The following NR5A1 variants were observed in gnomAD, a reference collection of about 807,000 sequenced individuals.
NR5A1 encodes the protein steroidogenic factor 1.
In NR5A1, 6 loss-of-function variants were observed where a neutral mutation model predicts 42.7. The observed-to-expected ratio is 0.14, with a 90% CI of 0.08 to 0.28. NR5A1 has a LOEUF of 0.28. Ranked by LOEUF, NR5A1 falls within the 10% of genes least tolerant of loss-of-function variation. NR5A1 has a pLI of 1.00. For synonymous variants in NR5A1, 274 were observed against 277.5 expected (o/e 0.99, Z 0.12); for missense variants, 442 against 626.4 (o/e 0.71, Z 3.14).
intron 3 of NR5A1, 123 bp downstream of exon 3, chr9:124,502,956 T>A: frequency 7.6e-7 from 1 of 1,316,222 alleles, no homozygotes; most frequent in Non-Finnish European, 1.0e-6. Context: ...GACTGGGCCC[T>A]AATGTCGCAC....
intron 6 of NR5A1, among the ~76,000 whole-genome samples, chr9:124,488,867 G>A (rs548798981): frequency 3.3e-5 from 5 of 152,316 alleles, no homozygotes; most frequent in South Asian, 2.1e-4. Flanking sequence ...CACACAGCAC[G>A]AGTGCGCACG....
At position 124,503,291 on chromosome 9, in the gene NR5A1, C is replaced by A. The variant is rs761830506; in HGVS notation, c.102+3G>T. The A allele has an allele frequency of 1.9e-6, 3 of 1,610,348 alleles. No homozygotes were observed. In the Admixed American group the frequency reaches 5.0e-5, roughly 27 times the overall value. The stretch of plus-strand genomic sequence containing the variant: ...GCACCCCTGCCGCGCGCTCGCCGCT[C>A]ACCTTGCAGCTCTCACACGTGAGCA... On this transcript the variant is annotated splice_donor_region_variant and intron_variant, in intron 2 of 6. Coordinates refer to ENST00000373588, the MANE Select transcript of NR5A1 (RefSeq NM_004959.5). This position sits in a 1 kb window ranked among gnomAD's most constrained non-coding sequence, Gnocchi z 9.6.
intron 5 of NR5A1, among the ~76,000 whole-genome samples, chr9:124,492,580 T>C (rs7866595): frequency 0.092 from 13,972 of 152,054 alleles, 1,883 homozygotes; most frequent in African/African-American, 0.3. Context: ...AGCAACCCCC[T>C]AGCCTCCCTC....
rs1013270858 is a variant in NR5A1 at position 124,498,368 on chromosome 9, CTT to C, written c.870+1720_870+1721del. On this transcript the variant is annotated intron_variant, in intron 4 of 6. Transcript: ENST00000373588. The surrounding 1 kb of genome is among the most constrained non-coding windows in gnomAD (Gnocchi z 4.6). ...CATAATCCCGGGCTCAATTCAAAGACTTTGAGAAGGGGAAGCAGGAAGGTTTG... is the reference window on the plus strand; with the variant it reads ...CATAATCCCGGGCTCAATTCAAAGACTGAGAAGGGGAAGCAGGAAGGTTTG... Among the ~76,000 whole-genome samples, 1 of 152,150 alleles carries C rather than the reference CTT, an allele frequency of 6.6e-6. No homozygotes were observed. The highest frequency in any genetic ancestry group is 2.4e-5 in the African/African-American group (1 of 41,424).
Position 124,496,829 on chromosome 9 carries a change from C to T in NR5A1, c.870+3261G>A, listed in dbSNP as rs942235436. Among the ~76,000 whole-genome samples, 1 of 152,204 alleles carries T rather than the reference C, an allele frequency of 6.6e-6. No individual in the cohort carries two copies. The highest frequency in any genetic ancestry group is 1.5e-5 in the Non-Finnish European group (1 of 68,034). On this transcript the variant is annotated intron_variant, in intron 4 of 6. Coordinates refer to ENST00000373588, the MANE Select transcript of NR5A1 (RefSeq NM_004959.5). This position sits in a 1 kb window ranked among gnomAD's most constrained non-coding sequence, Gnocchi z 5.0. ...AAAATGGGTCACTGGGCACTCCTGG[C>T]CCCCACCGTCCCCCCGGGTCCTCCC...
At chr9:124,490,282 G>C (rs1188578764) in intron 6 of NR5A1, among the ~76,000 whole-genome samples, 1 of 152,236 alleles carries the variant, frequency 6.6e-6, no homozygotes, top group Non-Finnish European at 1.5e-5. Context: ...TAACCACCCA[G>C]GCTGTAGGTC....
rs998289528 is a variant in NR5A1 at position 124,491,783 on chromosome 9, G to A, written c.991-555C>T. 3.3e-5 allele frequency among the ~76,000 whole-genome samples: 5 copies of A among 152,026 alleles called. No individual in the cohort carries two copies. In the South Asian group the frequency reaches 6.2e-4, roughly 19 times the overall value. The stretch of plus-strand genomic sequence containing the variant: ...CCCGCCCTTGTACGCTCACACTCAC[G>A]GCAACACATACACCCATGTATGTGA... On this transcript the variant is annotated intron_variant, in intron 5 of 6. Coordinates refer to ENST00000373588, the MANE Select transcript of NR5A1 (RefSeq NM_004959.5).
chr9:124,505,270 T>C (rs1219438610), intron 1 of NR5A1, among the ~76,000 whole-genome samples: 1 of 152,192 alleles, frequency 6.6e-6, no homozygotes, highest in African/African-American at 2.4e-5. Flanking sequence ...AGGCAGCTCC[T>C]GTCTGTGAAC....
chr9:124,492,902 G>A, intron 5 of NR5A1, 128 bp downstream of exon 5: 1 of 1,149,434 alleles, frequency 8.7e-7, no homozygotes, highest in Non-Finnish European at 1.2e-6. Context: ...CGTGGGGAAA[G>A]GGCTGATAAT....
chr9:124,491,994 G>A (rs998235723), intron 5 of NR5A1, among the ~76,000 whole-genome samples: 3 of 152,094 alleles, frequency 2.0e-5, no homozygotes, highest in Non-Finnish European at 4.4e-5. Flanking sequence ...TGCGCTCACA[G>A]GGAGCCCCAA....
intron 1 of NR5A1, among the ~76,000 whole-genome samples, chr9:124,506,368 C>A (rs181783305): frequency 6.6e-6 from 1 of 152,302 alleles, no homozygotes; most frequent in South Asian, 2.1e-4. Flanking sequence ...TCGTACCCCC[C>A]GCACCCCCAA....
rs1050408527 is a variant in NR5A1 at position 124,501,985 on chromosome 9, G to T, written c.244+1094C>A. Among the ~76,000 whole-genome samples, 1 of 152,184 alleles carries T rather than the reference G, an allele frequency of 6.6e-6. No homozygotes were observed. ...AGGCAAAGAGGGGCCTGGGTTTCTT[G>T]GGGGCAATTCAATTGTCCCCCACTG... On this transcript the variant is annotated intron_variant, in intron 3 of 6. Transcript: ENST00000373588. This position sits in a 1 kb window ranked among gnomAD's most constrained non-coding sequence, Gnocchi z 4.1.
chr9:124,497,360 C>T (rs760033684), intron 4 of NR5A1, among the ~76,000 whole-genome samples: 3 of 152,176 alleles, frequency 2.0e-5, no homozygotes, highest in Non-Finnish European at 4.4e-5. Flanking sequence ...TGATTCTAGT[C>T]TTTGATATTC....
intron 6 of NR5A1, among the ~76,000 whole-genome samples, chr9:124,487,368 C>T (rs1311999949): frequency 6.6e-6 from 1 of 152,228 alleles, no homozygotes; most frequent in Non-Finnish European, 1.5e-5. Context: ...ATTGCAAACG[C>T]TTAAGGGAAT....
In NR5A1 at chr9:124,482,725, G is replaced by GGCCCC; in HGVS notation, c.*32_*33insGGGGC. The stretch of plus-strand genomic sequence containing the variant: ...CCGCCCAGGCCCCGCCCCCAGTCCC[G>GGCCCC]CCCCCAGTCCCGGCCCCGCCCCCGG... On this transcript the variant is annotated 3_prime_UTR_variant, in exon 7 of 7. Coordinates refer to ENST00000373588, the MANE Select transcript of NR5A1 (RefSeq NM_004959.5). The GGCCCC allele has an allele frequency of 3.6e-5, 6 of 167,200 alleles. No individual in the cohort carries two copies. The highest frequency in any genetic ancestry group is 1.5e-4 in the African/African-American group (1 of 6,834). The allele number at this position is 167,200 out of a possible 1,614,324, so 10.4% of individuals were successfully genotyped here. A position where few individuals can be genotyped will look rare whatever the true frequency, so the allele number is the denominator to read the frequency against.
intron 6 of NR5A1, 48 bp downstream of exon 6, chr9:124,491,020 CACCCTCCCACCCA>C: frequency 3.8e-6 from 2 of 519,494 alleles, no homozygotes; most frequent in Non-Finnish European, 6.9e-6. Context: ...CAGCCTCACC[CACCCTCCCACCCA>C]CCCGCCTCTG....
chr9:124,499,674 AG>A (rs1157023473), intron 4 of NR5A1, among the ~76,000 whole-genome samples: 2 of 152,182 alleles, frequency 1.3e-5, no homozygotes, highest in Non-Finnish European at 2.9e-5. Context: ...CAGTCTCCCA[AG>A]GACTCAGCTA....
At chr9:124,493,487 C>CGT (rs1198805346) in intron 4 of NR5A1, among the ~76,000 whole-genome samples, 3 of 152,206 alleles carry the variant, frequency 2.0e-5, no homozygotes, top group African/African-American at 7.2e-5. Context: ...TTAGGTATGC[C>CGT]ATACATGTTA....
At chr9:124,485,964 G>A (rs1261492415) in intron 6 of NR5A1, among the ~76,000 whole-genome samples, 1 of 151,958 alleles carries the variant, frequency 6.6e-6, no homozygotes, top group African/African-American at 2.4e-5. Context: ...AAGGGTCCTG[G>A]AGGAAGCAGC....
Sources: gnomAD v4.1 joint callset for allele counts (sites outside exome capture counted in the v4.1 genomes callset) on GRCh38, gnomAD v4.1.1 for gene constraint, Gnocchi (gnomAD v3.1) non-coding constraint, MANE v1.5 for transcripts, NCBI Gene and HGNC (gene_info 2026-07-23, HGNC 2026-07-21) for gene names.